RIMS1: variants seen among roughly 807,000 people sequenced by gnomAD.
RIMS1 encodes the protein regulating synaptic membrane exocytosis protein 1.
In RIMS1, 83 loss-of-function variants were observed where a neutral mutation model predicts 214.1. That is an observed-to-expected ratio of 0.39 (90% confidence interval 0.32 to 0.47). RIMS1 has a LOEUF of 0.47. Among genes scored for constraint, RIMS1 ranks in the 20% least tolerant of loss-of-function variants. RIMS1 has a pLI of 0.99. For missense variants in RIMS1, 2,050 were observed against 2,161.8 expected, an observed-to-expected ratio of 0.95 and a Z score of 1.03; for synonymous variants, 793 against 786.8, an observed-to-expected ratio of 1.01 and a Z score of -0.13.
chr6:72,084,383 T>C (rs778086771), intron 2 of RIMS1, among the ~76,000 whole-genome samples: 1 of 152,222 alleles, frequency 6.6e-6, no homozygotes, highest in Non-Finnish European at 1.5e-5. Flanking sequence ...GATTTTCTTC[T>C]CTTGAATTGT....
chr6:72,124,239 T>C (rs942653502), intron 4 of RIMS1, among the ~76,000 whole-genome samples: 1 of 151,862 alleles, frequency 6.6e-6, no homozygotes, highest in Admixed American at 6.6e-5. Context: ...TGAAGCTTAG[T>C]TTGGCTGGAT....
intron 1 of RIMS1, among the ~76,000 whole-genome samples, chr6:71,907,767 T>G (rs1020332908): frequency 6.6e-6 from 1 of 152,194 alleles, no homozygotes; most frequent in African/African-American, 2.4e-5. Context: ...TACATTTAAC[T>G]CATGAGAAAA....
intron 2 of RIMS1, among the ~76,000 whole-genome samples, chr6:71,987,900 A>G (rs1300624581): frequency 6.6e-6 from 1 of 152,118 alleles, no homozygotes; most frequent in Non-Finnish European, 1.5e-5. Flanking sequence ...AAACTTGATA[A>G]TAGGAGCAAT....
At chr6:72,044,587 C>A (rs933703351) in intron 2 of RIMS1, among the ~76,000 whole-genome samples, 2 of 151,794 alleles carry the variant, frequency 1.3e-5, no homozygotes, top group Non-Finnish European at 2.9e-5. Flanking sequence ...ATGATCATGG[C>A]AAATTAGCAT....
chr6:72,007,216 T>C (rs1584736635), intron 2 of RIMS1, among the ~76,000 whole-genome samples: 2 of 152,304 alleles, frequency 1.3e-5, no homozygotes, highest in East Asian at 3.9e-4. Flanking sequence ...GCAAACAGGG[T>C]CTGGAGTGGA....
At chr6:71,906,674 A>G (rs937863676) in intron 1 of RIMS1, among the ~76,000 whole-genome samples, 5 of 152,080 alleles carry the variant, frequency 3.3e-5, no homozygotes, top group Admixed American at 1.3e-4. Flanking sequence ...TTCTAAATCA[A>G]TGAGGCCTGG....
intron 2 of RIMS1, among the ~76,000 whole-genome samples, chr6:72,070,867 G>A (rs558072663): frequency 6.6e-6 from 1 of 152,302 alleles, no homozygotes; most frequent in South Asian, 2.1e-4. Context: ...AGTTTGGCCT[G>A]TAGACCAAAT....
chr6:71,936,199 C>T (rs1431301135), intron 1 of RIMS1, among the ~76,000 whole-genome samples: 17 of 151,106 alleles, frequency 1.1e-4, no homozygotes, highest in East Asian at 3.9e-4. Flanking sequence ...TGGTAGCGGG[C>T]GCCTGTAGTC....
chr6:72,329,915 A>T (rs1424516270), intron 28 of RIMS1, among the ~76,000 whole-genome samples: 2 of 151,830 alleles, frequency 1.3e-5, no homozygotes, highest in South Asian at 4.1e-4. Context: ...ACAGCTGGAT[A>T]TATAAATCTG....
chr6:71,959,362 A>G lies in RIMS1; in HGVS notation c.165-9621A>G, dbSNP rs182622193. ...TCCACTTAAATCCCACCAAGGAACCATTGTGGGACCTCTCAGTAGATATTT... is the reference window on the plus strand; with the variant it reads ...TCCACTTAAATCCCACCAAGGAACCGTTGTGGGACCTCTCAGTAGATATTT... On this transcript the variant is annotated intron_variant, in intron 1 of 33. Coordinates refer to ENST00000521978, the MANE Select transcript of RIMS1 (RefSeq NM_014989.7). Among the ~76,000 whole-genome samples, 214 of 152,250 alleles carry G rather than the reference A, an allele frequency of 1.4e-3. 1 individual carries two copies. Among genetic ancestry groups the G allele is most frequent in the African/African-American group, 4.8e-3 (198 of 41,572 alleles).
chr6:72,311,670 T>C (rs1202758866), intron 27 of RIMS1, among the ~76,000 whole-genome samples: 1 of 152,218 alleles, frequency 6.6e-6, no homozygotes, highest in Non-Finnish European at 1.5e-5. Context: ...TCATGCCTGA[T>C]ATGAAATTCT....
chr6:72,386,731 CTT>C lies in RIMS1; in HGVS notation c.4367-3848_4367-3847del, dbSNP rs35080577. Among the ~76,000 whole-genome samples the C allele has an allele frequency of 3.7e-3, 406 of 109,858 alleles. 1 individual carries two copies. The highest frequency in any genetic ancestry group is 3.9e-3 in the Non-Finnish European group (205 of 52,900). The allele number at this position is 109,858 out of a possible 152,430, so 72.1% of individuals were successfully genotyped here. ...ATTGTATCTTCGTTTCACTGTCTTT[CTT>C]TTTTTTTTTTTTTTTTTTGAGATGG... On this transcript the variant is annotated intron_variant, in intron 29 of 33. Coordinates refer to ENST00000521978, the MANE Select transcript of RIMS1 (RefSeq NM_014989.7).
In RIMS1 at chr6:72,380,627, C is replaced by A. The variant is rs140267092; in HGVS notation, c.4367-9971C>A. ...TTTACTACTACTGAGCAAATAAAATCTGAGCCTTTATCTTCCTGTTGTCAA... is the reference window on the plus strand; with the variant it reads ...TTTACTACTACTGAGCAAATAAAATATGAGCCTTTATCTTCCTGTTGTCAA... On this transcript the variant is annotated intron_variant, in intron 29 of 33. Coordinates refer to ENST00000521978, the MANE Select transcript of RIMS1 (RefSeq NM_014989.7). Among the ~76,000 whole-genome samples, 935 of 152,258 alleles carry A rather than the reference C, an allele frequency of 6.1e-3. 7 individuals carry two copies. The highest frequency in any genetic ancestry group is 0.022 in the African/African-American group (907 of 41,546).
At chr6:72,002,764 G>A (rs1383746720) in intron 2 of RIMS1, among the ~76,000 whole-genome samples, 1 of 152,160 alleles carries the variant, frequency 6.6e-6, no homozygotes, top group Non-Finnish European at 1.5e-5. Flanking sequence ...GTGATGAGTA[G>A]ATGAAGTTGA....
chr6:72,296,200 TG>T (rs2094071286), intron 26 of RIMS1, among the ~76,000 whole-genome samples: 2 of 151,870 alleles, frequency 1.3e-5, no homozygotes, highest in African/African-American at 2.4e-5. Context: ...TTAAAATTAA[TG>T]TTTTTTTAAA....
chr6:72,362,236 T>TA (rs1188739019), intron 29 of RIMS1, among the ~76,000 whole-genome samples: 2 of 152,178 alleles, frequency 1.3e-5, no homozygotes, highest in African/African-American at 4.8e-5. Flanking sequence ...CTTACCAATT[T>TA]AATTTAGGAT....
chr6:72,231,796 G>A (rs1417688835), intron 6 of RIMS1, among the ~76,000 whole-genome samples: 1 of 151,536 alleles, frequency 6.6e-6, no homozygotes, highest in Non-Finnish European at 1.5e-5. Flanking sequence ...TATAAGAACA[G>A]TTTTTTGCAG....
chr6:72,046,937 A>C (rs1485341663), intron 2 of RIMS1, among the ~76,000 whole-genome samples: 1 of 152,106 alleles, frequency 6.6e-6, no homozygotes, highest in Non-Finnish European at 1.5e-5. Context: ...AAGGAAATAA[A>C]ATTTGAAGTC....
At chr6:72,032,411 G>A (rs1818393867) in intron 2 of RIMS1, among the ~76,000 whole-genome samples, 1 of 152,048 alleles carries the variant, frequency 6.6e-6, no homozygotes, top group Non-Finnish European at 1.5e-5. Context: ...TGATATATAT[G>A]GGTTTAAGTT....
Sources: gnomAD v4.1 joint callset for allele counts (sites outside exome capture counted in the v4.1 genomes callset) on GRCh38, gnomAD v4.1.1 for gene constraint, MANE v1.5 for transcripts, NCBI Gene and HGNC (gene_info 2026-07-23, HGNC 2026-07-21) for gene names.